The following PARD3 variants were observed in gnomAD, a reference collection of about 807,000 sequenced individuals.
PARD3 encodes the protein par-3 family cell polarity regulator.
In PARD3, 75 loss-of-function variants were observed where a neutral mutation model predicts 155.4. That is an observed-to-expected ratio of 0.48 (90% CI 0.40 to 0.58). PARD3 has a LOEUF of 0.58. Among genes scored for constraint, PARD3 ranks in the 20% least tolerant of loss-of-function variants. The pLI, the probability that PARD3 is intolerant of heterozygous loss-of-function variation, is 0.00. For synonymous variants in PARD3, 576 were observed against 610.5 expected (o/e 0.94, Z 0.83); for missense variants, 1,642 against 1,721.7 (o/e 0.95, Z 0.82).
chr10:34,621,780 AT>A (rs1355351841), intron 2 of PARD3, among the ~76,000 whole-genome samples: 2 of 152,206 alleles, frequency 1.3e-5, no homozygotes, highest in East Asian at 1.9e-4. Context: ...AGATTTTACA[AT>A]TTTTTAAATG....
chr10:34,235,690 T>C (rs1214181117), intron 22 of PARD3, among the ~76,000 whole-genome samples: 1 of 152,240 alleles, frequency 6.6e-6, no homozygotes, highest in Non-Finnish European at 1.5e-5. Context: ...TTCTGACTAA[T>C]GATATCCACT....
At chr10:34,359,070 T>C (rs906469705) in intron 14 of PARD3, 77 bp downstream of exon 14, 2 of 1,115,068 alleles carry the variant, frequency 1.8e-6, no homozygotes, top group Non-Finnish European at 1.3e-6. Flanking sequence ...TGGAACCTAA[T>C]ACCCTTTGCC....
chr10:34,422,470 C>T (rs965198195), intron 5 of PARD3, among the ~76,000 whole-genome samples: 1 of 150,858 alleles, frequency 6.6e-6, no homozygotes, highest in Non-Finnish European at 1.5e-5. Flanking sequence ...GCCAAGGAAA[C>T]AATCAACAGA....
intron 2 of PARD3, among the ~76,000 whole-genome samples, chr10:34,604,594 AATAT>A (rs1443383694): frequency 2.0e-5 from 3 of 148,076 alleles, no homozygotes; most frequent in Admixed American, 6.8e-5. Context: ...AGATATATAA[AATAT>A]ATATAAAGAT....
At chr10:34,800,143 A>C (rs572817827) in intron 1 of PARD3, among the ~76,000 whole-genome samples, 2,484 of 64,724 alleles carry the variant, frequency 0.038, 64 homozygotes, top group African/African-American at 0.27. Context: ...CAACTTCCCA[A>C]AAAAAAAAAA....
chr10:34,401,953 T>A, intron 5 of PARD3, 36 bp from the exon 6 acceptor site: 2 of 1,493,956 alleles, frequency 1.3e-6, no homozygotes, highest in Non-Finnish European at 1.9e-6. Context: ...GTACACTCTG[T>A]GTTAGGTTTC....
chr10:34,256,544 A>C (rs1294147908), intron 22 of PARD3, among the ~76,000 whole-genome samples: 1 of 152,256 alleles, frequency 6.6e-6, no homozygotes, highest in African/African-American at 2.4e-5. Context: ...CTGTAAAAAC[A>C]GTTAAGCTGC....
intron 2 of PARD3, among the ~76,000 whole-genome samples, chr10:34,605,502 C>A (rs1477755337): frequency 8.2e-6 from 1 of 121,474 alleles, no homozygotes. Context: ...CAAAAATACT[C>A]TTAAATATAT....
At chr10:34,413,180 CATATAT>C (rs1554851811) in intron 5 of PARD3, among the ~76,000 whole-genome samples, 1 of 145,184 alleles carries the variant, frequency 6.9e-6, no homozygotes, top group Non-Finnish European at 1.5e-5. Flanking sequence ...CACACACACA[CATATAT>C]ATAAGACTTT....
rs150377591 is a variant in PARD3, at chr10:34,243,157, C to T, written c.3419+26500G>A. Reference sequence around the variant, plus strand: ...GGGAATCTAAAAATAATCTATTTTACCACTATAACAGATCACACACATTAT... The same window carrying T: ...GGGAATCTAAAAATAATCTATTTTATCACTATAACAGATCACACACATTAT... On this transcript the variant is annotated intron_variant, in intron 22 of 24. Transcript: ENST00000374788. Among the ~76,000 whole-genome samples the T allele has an allele frequency of 2.6e-5, 4 of 152,254 alleles. No individual in the cohort carries two copies. In the East Asian group the frequency reaches 7.7e-4, roughly 29 times the overall value.
At chr10:34,329,821 C>T (rs1370474073) in intron 19 of PARD3, among the ~76,000 whole-genome samples, 4 of 152,136 alleles carry the variant, frequency 2.6e-5, no homozygotes, top group Non-Finnish European at 4.4e-5. Flanking sequence ...AGTTATGCTT[C>T]GCATATTACA....
intron 16 of PARD3, among the ~76,000 whole-genome samples, chr10:34,341,186 A>C: frequency 6.8e-6 from 1 of 147,410 alleles, no homozygotes; most frequent in Non-Finnish European, 1.5e-5. Flanking sequence ...GCACTCTGAA[A>C]AAAAAAAAAA....
rs994588063 is a variant in PARD3, at chr10:34,677,978, T to C, written c.222+18340A>G. 3.3e-5 allele frequency among the ~76,000 whole-genome samples: 5 copies of C among 152,276 alleles called. No homozygotes were observed. The East Asian group carries it at 9.6e-4, about 29-fold the overall frequency. ...TATAACACTGTTAAAAGATCCACTA[T>C]ATATTGATTGTATAGCCTAAACTTA... On this transcript the variant is annotated intron_variant, in intron 2 of 24. Transcript: ENST00000374788.
rs201838836 is a variant in PARD3, at chr10:34,378,106, C to A, written c.1400G>T (p.Gly467Val). The change falls in exon 10 of 25, where the codon GGT (glycine) becomes GTT (valine). Residue 467 changes from glycine (G) to valine (V), a missense_variant and splice_region_variant. By Grantham distance (109) the Gly-to-Val change is moderately radical. Transcript: ENST00000374788. ...GATGCTGAATCCCAAACCTTCTGTA[C>A]CTAGGTATGTGAAGGAGAAGAAAAG... ...GKRLNIQLKK[G>V]TEGLGFSITS... 1.9e-6 allele frequency: 3 copies of A among 1,583,560 alleles called. No individual in the cohort carries two copies. In the African/African-American group the frequency reaches 4.1e-5, roughly 22 times the overall value.
intron 19 of PARD3, among the ~76,000 whole-genome samples, chr10:34,325,692 T>C (rs1834938245): frequency 6.6e-6 from 1 of 152,160 alleles, no homozygotes. Flanking sequence ...TCTGCAGTAG[T>C]TTTAGCGCAA....
intron 4 of PARD3, among the ~76,000 whole-genome samples, chr10:34,468,665 T>C (rs1589685220): frequency 6.6e-6 from 1 of 152,136 alleles, no homozygotes; most frequent in African/African-American, 2.4e-5. Flanking sequence ...AGACTAAGCC[T>C]AACAGTTAAG....
At chr10:34,701,720 C>A (rs1426314357) in intron 1 of PARD3, among the ~76,000 whole-genome samples, 2 of 152,072 alleles carry the variant, frequency 1.3e-5, no homozygotes, top group African/African-American at 4.8e-5. Context: ...CGTAGTGAGG[C>A]CCCATCTCTA....
chr10:34,761,117 A>G (rs1264153984), intron 1 of PARD3, among the ~76,000 whole-genome samples: 2 of 152,138 alleles, frequency 1.3e-5, no homozygotes, highest in African/African-American at 4.8e-5. Flanking sequence ...CTAGCCTTAA[A>G]AAAACAAAAG....
Position 34,382,524 on chromosome 10 carries a change from A to C in PARD3, c.1399+16T>G. ...AGAAAAGAAATTCCACAAAACAAAA[A>C]CAGGATAGGTCGTACCTTTCTTAAG... On this transcript the variant is annotated intron_variant, in intron 9 of 24. Coordinates refer to ENST00000374788, the MANE Select transcript of PARD3 (RefSeq NM_001184785.2). The C allele has an allele frequency of 6.3e-7, 1 of 1,588,762 alleles. No individual in the cohort carries two copies. Among genetic ancestry groups the C allele is most frequent in the East Asian group, 2.2e-5 (1 of 44,736 alleles).
Sources: gnomAD v4.1 joint callset for allele counts (sites outside exome capture counted in the v4.1 genomes callset) on GRCh38, gnomAD v4.1.1 for gene constraint, MANE v1.5 for transcripts, NCBI Gene and HGNC (gene_info 2026-07-23, HGNC 2026-07-21) for gene names.